Variants in KHDRBS2 observed in about 807,000 individuals in gnomAD.
KHDRBS2 encodes the protein KH RNA binding domain containing, signal transduction associated 2, also known as KH domain-containing, RNA-binding, signal transduction-associated protein 2.
In KHDRBS2, 26 loss-of-function variants were observed where a neutral mutation model predicts 44.3. The ratio of observed to expected loss-of-function variants is 0.59; its 90% CI spans 0.43 to 0.81. KHDRBS2 has a LOEUF of 0.81. Among genes scored for constraint, KHDRBS2 ranks in the 40% least tolerant of loss-of-function variants. The pLI, the probability that KHDRBS2 is intolerant of heterozygous loss-of-function variation, is 0.00. For synonymous variants in KHDRBS2, 194 were observed against 151.1 expected (o/e 1.28, Z -2.08); for missense variants, 476 against 433.1 (o/e 1.10, Z -0.88).
rs555077850 is a variant in KHDRBS2 at position 62,039,407 on chromosome 6, T to C, written c.336+8471A>G. Among the ~76,000 whole-genome samples the C allele has an allele frequency of 7.2e-5, 11 of 151,946 alleles. No individual in the cohort carries two copies. The South Asian group carries it at 2.3e-3, about 31-fold the overall frequency. On this transcript the variant is annotated intron_variant, in intron 3 of 8. Coordinates refer to ENST00000281156, the MANE Select transcript of KHDRBS2 (RefSeq NM_152688.4). ...CATTCTAAATTCATATATATGTATG[T>C]ATGGAGAGAGAGATTATCTGCTAAA...
chr6:62,168,582 T>G (rs1286466422), intron 2 of KHDRBS2, among the ~76,000 whole-genome samples: 1 of 152,168 alleles, frequency 6.6e-6, no homozygotes, highest in Non-Finnish European at 1.5e-5. Flanking sequence ...CTTGGTTTAT[T>G]AGATCCTGCA....
the KHDRBS2 span, among the ~76,000 whole-genome samples, chr6:61,637,641 G>T: frequency 3.3e-5 from 5 of 152,064 alleles, no homozygotes; most frequent in Admixed American, 3.3e-4. Context: ...CTAGTTTACA[G>T]TCCCACCAAC....
At chr6:62,266,842 A>G (rs1246933857) in intron 1 of KHDRBS2, among the ~76,000 whole-genome samples, 1 of 152,060 alleles carries the variant, frequency 6.6e-6, no homozygotes, top group Non-Finnish European at 1.5e-5. Flanking sequence ...AAAGGAAAAA[A>G]TTTAAATAAT....
chr6:62,219,949 T>TAA (rs1292173791), intron 1 of KHDRBS2, among the ~76,000 whole-genome samples: 2 of 147,876 alleles, frequency 1.4e-5, no homozygotes, highest in Non-Finnish European at 3.0e-5. Context: ...AGTATATATA[T>TAA]AACTGTATAT....
the KHDRBS2 span, among the ~76,000 whole-genome samples, chr6:61,646,328 AAC>A: frequency 3.9e-5 from 6 of 152,186 alleles, no homozygotes; most frequent in Non-Finnish European, 5.9e-5. Flanking sequence ...CAAGTCTCTT[AAC>A]ACAGTTTGTG....
the KHDRBS2 span, among the ~76,000 whole-genome samples, chr6:61,563,156 G>A: frequency 6.6e-6 from 1 of 152,006 alleles, no homozygotes; most frequent in African/African-American, 2.4e-5. Context: ...AGACTTTCTG[G>A]TATCAACACT....
chr6:62,169,169 A>G (rs1398908671), intron 2 of KHDRBS2, among the ~76,000 whole-genome samples: 2 of 133,930 alleles, frequency 1.5e-5, no homozygotes, highest in South Asian at 2.3e-4. Flanking sequence ...GTACACATAT[A>G]TGTATATATG....
chr6:61,889,258 A>AACCTC, intron 6 of KHDRBS2, among the ~76,000 whole-genome samples: 1 of 152,160 alleles, frequency 6.6e-6, no homozygotes, highest in East Asian at 1.9e-4. Context: ...AAGAGATCCA[A>AACCTC]ACCTCAAAGT....
At chr6:61,755,917 A>G (rs965767759) in intron 6 of KHDRBS2, among the ~76,000 whole-genome samples, 2 of 152,158 alleles carry the variant, frequency 1.3e-5, no homozygotes, top group Admixed American at 6.5e-5. Flanking sequence ...AGAGTCCACC[A>G]ATGCTGTGAT....
chr6:61,608,464 G>C, the KHDRBS2 span, among the ~76,000 whole-genome samples: 3 of 151,714 alleles, frequency 2.0e-5, no homozygotes, highest in Non-Finnish European at 4.4e-5. Flanking sequence ...GTATAATTAA[G>C]TTCTGGGATA....
At chr6:61,907,948 CATT>C (rs973312682) in intron 4 of KHDRBS2, among the ~76,000 whole-genome samples, 7 of 152,112 alleles carry the variant, frequency 4.6e-5, no homozygotes, top group Non-Finnish European at 8.8e-5. Flanking sequence ...AGCTTGGAAA[CATT>C]ATCATCAGAA....
At chr6:62,279,806 G>A (rs546675166) in intron 1 of KHDRBS2, among the ~76,000 whole-genome samples, 1 of 152,316 alleles carries the variant, frequency 6.6e-6, no homozygotes, top group East Asian at 1.9e-4. Context: ...AGAGAGAAGA[G>A]CAAGTGTTAT....
chr6:61,615,471 A>G, the KHDRBS2 span, among the ~76,000 whole-genome samples: 1 of 152,120 alleles, frequency 6.6e-6, no homozygotes, highest in African/African-American at 2.4e-5. Context: ...AAAAATCAGA[A>G]CTAAAAATAA....
the KHDRBS2 span, among the ~76,000 whole-genome samples, chr6:61,584,772 C>A: frequency 1.1e-3 from 160 of 151,894 alleles, no homozygotes; most frequent in African/African-American, 3.7e-3. Context: ...TGAACAGAAT[C>A]TGAAGTAGAG....
At chr6:62,169,224 C>CGT (rs1819502914) in intron 2 of KHDRBS2, among the ~76,000 whole-genome samples, 2 of 116,508 alleles carry the variant, frequency 1.7e-5, no homozygotes, top group Non-Finnish European at 3.5e-5. Flanking sequence ...TATATACACA[C>CGT]ACACATATAT....
chr6:61,972,918 G>T (rs948903151), intron 4 of KHDRBS2, among the ~76,000 whole-genome samples: 6 of 152,122 alleles, frequency 3.9e-5, no homozygotes, highest in African/African-American at 1.4e-4. Context: ...GGCTGAGGCT[G>T]GTGGGTCATC....
At chr6:61,960,431 T>C (rs1447044535) in intron 4 of KHDRBS2, among the ~76,000 whole-genome samples, 1 of 152,124 alleles carries the variant, frequency 6.6e-6, no homozygotes, top group Non-Finnish European at 1.5e-5. Flanking sequence ...TGCATCTAAT[T>C]GGTGCAGGGG....
chr6:62,128,111 T>C (rs1014701888), intron 2 of KHDRBS2, among the ~76,000 whole-genome samples: 1 of 152,098 alleles, frequency 6.6e-6, no homozygotes, highest in African/African-American at 2.4e-5. Flanking sequence ...ATCTTTCTCA[T>C]CGTATTAGTG....
At chr6:61,825,667 C>T (rs1448471862) in intron 6 of KHDRBS2, among the ~76,000 whole-genome samples, 2 of 151,998 alleles carry the variant, frequency 1.3e-5, no homozygotes, top group African/African-American at 4.8e-5. Context: ...GCAACAAGTC[C>T]CCCATAAGGG....
Sources: gnomAD v4.1 joint callset for allele counts (sites outside exome capture counted in the v4.1 genomes callset) on GRCh38, gnomAD v4.1.1 for gene constraint, MANE v1.5 for transcripts, NCBI Gene and HGNC (gene_info 2026-07-23, HGNC 2026-07-21) for gene names.